The following SPIRE1 variants were observed in gnomAD, a reference collection of about 807,000 sequenced individuals.
SPIRE1 encodes the protein spire type actin nucleation factor 1, also known as protein spire homolog 1.
Under a neutral mutation model 94.1 loss-of-function variants are expected in SPIRE1, and 40 were observed. That is an observed-to-expected ratio of 0.43 (90% CI 0.33 to 0.55). SPIRE1 has a LOEUF of 0.55. SPIRE1 is among the 20% of genes least tolerant of loss of function. The probability of loss-of-function intolerance (pLI) is 0.06; values close to 1 mark genes in which losing one functional copy is unlikely to be tolerated. For missense variants in SPIRE1, 838 were observed against 975.2 expected, an observed-to-expected ratio of 0.86 and a Z score of 1.87; for synonymous variants, 376 against 371.7, an observed-to-expected ratio of 1.01 and a Z score of -0.13.
At chr18:12,524,829 A>G in intron 4 of SPIRE1, among the ~76,000 whole-genome samples, 1 of 152,120 alleles carries the variant, frequency 6.6e-6, no homozygotes, top group East Asian at 1.9e-4. Context: ...AAATAAAAAA[A>G]TCAGCCAACC....
intron 8 of SPIRE1, among the ~76,000 whole-genome samples, chr18:12,492,299 T>C (rs1424516580): frequency 6.6e-6 from 1 of 152,228 alleles, no homozygotes; most frequent in Non-Finnish European, 1.5e-5. Context: ...GGTACCACTA[T>C]AGACCGTTTT....
At chr18:12,595,647 T>C (rs2036650949) in intron 2 of SPIRE1, among the ~76,000 whole-genome samples, 1 of 152,174 alleles carries the variant, frequency 6.6e-6, no homozygotes, top group South Asian at 2.1e-4. Context: ...CTTTATTGAG[T>C]ACCTATTTGT....
In SPIRE1 at chr18:12,512,673, G is replaced by C. The variant is rs1035441304; in HGVS notation, c.730-142C>G. ...AGAATCTATTGCTCCGTAAACTCTA[G>C]GGCCAATTAAAATGGAACCCTGAGG... On this transcript the variant is annotated intron_variant, in intron 4 of 16. Transcript: ENST00000409402. 1.6e-5 allele frequency: 9 copies of C among 568,622 alleles called. No individual in the cohort carries two copies. The South Asian group carries it at 2.0e-4, about 13-fold the overall frequency. 35.2% of individuals were successfully genotyped at this position (568,622 alleles called of 1,614,324 possible).
intron 2 of SPIRE1, among the ~76,000 whole-genome samples, chr18:12,549,416 T>G (rs1598459666): frequency 7.6e-6 from 1 of 130,808 alleles, no homozygotes; most frequent in Non-Finnish European, 1.6e-5. Context: ...TTGTTTTGCT[T>G]TTTGTTTGTT....
chr18:12,493,069 C>T lies in SPIRE1; in HGVS notation c.1189+3G>A. Reference sequence around the variant, plus strand: ...GACTGAGTACAGGAAGCAGTGGACTCACCTAATCTGCTACGTCTAATCTCC... The same window carrying T: ...GACTGAGTACAGGAAGCAGTGGACTTACCTAATCTGCTACGTCTAATCTCC... On this transcript the variant is annotated splice_donor_region_variant and intron_variant, in intron 8 of 16. Transcript: ENST00000409402. 1 of 1,609,302 alleles carries T rather than the reference C, an allele frequency of 6.2e-7. No homozygotes were observed. The highest frequency in any genetic ancestry group is 8.5e-7 in the Non-Finnish European group (1 of 1,178,810).
At chr18:12,606,362 A>T (rs542836446) in intron 2 of SPIRE1, among the ~76,000 whole-genome samples, 1 of 31,944 alleles carries the variant, frequency 3.1e-5, no homozygotes, top group South Asian at 1.7e-3. Flanking sequence ...AAGACAGAAG[A>T]AAAAAGAGAG....
At chr18:12,633,054 C>T (rs918983397) in intron 2 of SPIRE1, among the ~76,000 whole-genome samples, 4 of 151,970 alleles carry the variant, frequency 2.6e-5, no homozygotes, top group African/African-American at 9.7e-5. Flanking sequence ...GAGGTTAATA[C>T]AAATTACCAT....
At chr18:12,574,017 G>T (rs1380068970) in intron 2 of SPIRE1, among the ~76,000 whole-genome samples, 1 of 152,182 alleles carries the variant, frequency 6.6e-6, no homozygotes, top group African/African-American at 2.4e-5. Context: ...AAGATTACAG[G>T]CGTGAGCCAC....
chr18:12,615,345 A>AAAAAAAAAATATATAT, intron 2 of SPIRE1, among the ~76,000 whole-genome samples: 2 of 17,242 alleles, frequency 1.2e-4, no homozygotes, highest in Non-Finnish European at 3.7e-4. Context: ...AAAAAAAAAA[A>AAAAAAAAAATATATAT]ATATATATAT....
In SPIRE1 at chr18:12,459,664, C is replaced by A. The variant is rs372050024; in HGVS notation, c.1638+3687G>T. On this transcript the variant is annotated intron_variant, in intron 12 of 16. Transcript: ENST00000409402. ...GATTGGAAGCAAAGTGCTATCTAAG[C>A]GGTTAATTCTCAGAGAACGCAACAG... 48 of 727,272 alleles carry A rather than the reference C, an allele frequency of 6.6e-5. No homozygotes were observed. In the African/African-American group the frequency reaches 8.6e-4, roughly 13 times the overall value. The allele number at this position is 727,272 out of a possible 1,614,324, so 45.1% of individuals were successfully genotyped here.
intron 2 of SPIRE1, among the ~76,000 whole-genome samples, chr18:12,569,609 C>T (rs147493911): frequency 1.4e-5 from 2 of 144,004 alleles, no homozygotes; most frequent in East Asian, 2.0e-4. Flanking sequence ...TTGGCCAAAA[C>T]GTAGAAATGT....
chr18:12,657,417 G>C (rs2038579365), intron 1 of SPIRE1, 113 bp downstream of exon 1: 1 of 904,572 alleles, frequency 1.1e-6, no homozygotes, highest in East Asian at 3.6e-5. Flanking sequence ...GGGGTCTCCC[G>C]TGGCAAAATG....
At chr18:12,474,431 G>T (rs572551874) in intron 10 of SPIRE1, among the ~76,000 whole-genome samples, 9 of 151,854 alleles carry the variant, frequency 5.9e-5, no homozygotes, top group African/African-American at 2.2e-4. Flanking sequence ...GTGGGTGGTG[G>T]TGGGTGGGGA....
At chr18:12,489,171 G>A (rs147300299) in intron 8 of SPIRE1, among the ~76,000 whole-genome samples, 16 of 152,288 alleles carry the variant, frequency 1.1e-4, no homozygotes, top group African/African-American at 3.6e-4. Context: ...CTGGGAGACA[G>A]TGCGAGACTC....
At chr18:12,462,837 T>C (rs897796674) in intron 12 of SPIRE1, among the ~76,000 whole-genome samples, 3 of 151,560 alleles carry the variant, frequency 2.0e-5, no homozygotes, top group African/African-American at 4.9e-5. Flanking sequence ...CAACCACTGA[T>C]AAATTTTCTT....
rs2034014839 is a variant in SPIRE1 at position 12,510,931 on chromosome 18, G to A, written c.807+1523C>T. ...CAACTCTAAGTTTTATATGACAGCAGGGATTTTTGGAGTCACTAGGATTTA... is the reference window on the plus strand; with the variant it reads ...CAACTCTAAGTTTTATATGACAGCAAGGATTTTTGGAGTCACTAGGATTTA... On this transcript the variant is annotated intron_variant, in intron 5 of 16. Transcript: ENST00000409402. Among the ~76,000 whole-genome samples, 3 of 152,134 alleles carry A rather than the reference G, an allele frequency of 2.0e-5. No homozygotes were observed. In the South Asian group the frequency reaches 6.2e-4, roughly 32 times the overall value.
chr18:12,545,913 G>T (rs2035148568), intron 3 of SPIRE1, among the ~76,000 whole-genome samples: 1 of 152,176 alleles, frequency 6.6e-6, no homozygotes, highest in Non-Finnish European at 1.5e-5. Flanking sequence ...CTTGAGTTAT[G>T]ATTCAATCAT....
At chr18:12,585,096 G>T (rs184915465) in intron 2 of SPIRE1, among the ~76,000 whole-genome samples, 1 of 151,976 alleles carries the variant, frequency 6.6e-6, no homozygotes, top group Non-Finnish European at 1.5e-5. Flanking sequence ...GAGCTACCAC[G>T]CCAGGCCAAT....
chr18:12,585,758 C>A (rs2036378131), intron 2 of SPIRE1, among the ~76,000 whole-genome samples: 1 of 152,000 alleles, frequency 6.6e-6, no homozygotes, highest in African/African-American at 2.4e-5. Context: ...GTAAACCATG[C>A]ATGAAAATGT....
Sources: gnomAD v4.1 joint callset for allele counts (sites outside exome capture counted in the v4.1 genomes callset) on GRCh38, gnomAD v4.1.1 for gene constraint, MANE v1.5 for transcripts, NCBI Gene and HGNC (gene_info 2026-07-23, HGNC 2026-07-21) for gene names.